Variants in TMCO5A observed in about 807,000 individuals in gnomAD.
The protein encoded by TMCO5A is transmembrane and coiled-coil domains 5A.
A neutral mutation model predicts 42.3 loss-of-function variants in TMCO5A; 34 were observed. That is an observed-to-expected ratio of 0.80 (90% confidence interval 0.61 to 1.07). The LOEUF is 1.07. Among genes scored for constraint, TMCO5A ranks in the 50% least tolerant of loss-of-function variants. The pLI, the probability that TMCO5A is intolerant of heterozygous loss-of-function variation, is 0.00. For synonymous variants in TMCO5A, 131 were observed against 115.6 expected (o/e 1.13, Z -0.86); for missense variants, 357 against 327.9 (o/e 1.09, Z -0.69).
intron 11 of TMCO5A, among the ~76,000 whole-genome samples, chr15:37,965,873 C>G (rs1473435045): frequency 6.6e-6 from 1 of 152,216 alleles, no homozygotes; most frequent in South Asian, 2.1e-4. Flanking sequence ...AAAAATAGAG[C>G]TACCATATGA....
the TMCO5A span, chr15:38,039,939 G>C: frequency 6.6e-6 from 1 of 152,180 alleles, no homozygotes; most frequent in Non-Finnish European, 1.5e-5. Flanking sequence ...GGTTCAACTA[G>C]GGAAAAATCC....
At chr15:37,944,175 G>C (rs1411177543) in intron 10 of TMCO5A, 1 of 152,042 alleles carries the variant, frequency 6.6e-6, no homozygotes, top group African/African-American at 2.4e-5. Flanking sequence ...ATTGTGTTTG[G>C]GTCATCCAAA....
chr15:37,967,672 T>C (rs1487365687), exon 12 of TMCO5A: 2 of 152,210 alleles, frequency 1.3e-5, no homozygotes, highest in African/African-American at 4.8e-5. Context: ...TGCAGTGAAG[T>C]ATATCTTTTC....
At chr15:37,944,240 A>G (rs1889854346) in intron 10 of TMCO5A, 1 of 152,118 alleles carries the variant, frequency 6.6e-6, no homozygotes, top group Non-Finnish European at 1.5e-5. Context: ...TGAACAAGTC[A>G]TTCTGGCCCC....
At chr15:38,026,237 G>T in the TMCO5A span, among the ~76,000 whole-genome samples, 1 of 152,148 alleles carries the variant, frequency 6.6e-6, no homozygotes, top group Non-Finnish European at 1.5e-5. Flanking sequence ...TTGTTGAATG[G>T]CTTTGACCAA....
the TMCO5A span, among the ~76,000 whole-genome samples, chr15:37,992,544 C>A: frequency 3.6e-4 from 55 of 152,034 alleles, no homozygotes; most frequent in Non-Finnish European, 6.8e-4. Context: ...GACACATGCA[C>A]GTATACATTC....
chr15:37,957,042 C>A (rs189914417), intron 11 of TMCO5A, among the ~76,000 whole-genome samples: 10 of 152,226 alleles, frequency 6.6e-5, no homozygotes, highest in Middle Eastern at 3.4e-3. Context: ...ATTCAACAGC[C>A]CTTCATGCTA....
chr15:37,981,571 A>G, the TMCO5A span, among the ~76,000 whole-genome samples: 1 of 152,166 alleles, frequency 6.6e-6, no homozygotes, highest in Non-Finnish European at 1.5e-5. Flanking sequence ...AGGTTCAGCT[A>G]CTCAGGAGAC....
the TMCO5A span, among the ~76,000 whole-genome samples, chr15:38,026,477 TG>T: frequency 6.6e-6 from 1 of 152,322 alleles, no homozygotes; most frequent in East Asian, 1.9e-4. Context: ...AGATGTGACT[TG>T]GGTGCTGTTA....
At chr15:37,945,626 T>C (rs1355458198) in intron 10 of TMCO5A, among the ~76,000 whole-genome samples, 2 of 152,192 alleles carry the variant, frequency 1.3e-5, no homozygotes, top group Non-Finnish European at 2.9e-5. Context: ...TAATGATCAG[T>C]AATGTTGAAC....
the TMCO5A span, among the ~76,000 whole-genome samples, chr15:38,028,423 C>T: frequency 2.6e-5 from 4 of 152,256 alleles, 1 homozygote; most frequent in South Asian, 4.2e-4. Flanking sequence ...TTAATTCAGC[C>T]GATCTCAAGG....
chr15:38,026,355 CAA>C, the TMCO5A span, among the ~76,000 whole-genome samples: 1 of 152,200 alleles, frequency 6.6e-6, no homozygotes. Flanking sequence ...CACGATTTAG[CAA>C]AGAGACTGGC....
At chr15:37,975,697 C>A in the TMCO5A span, among the ~76,000 whole-genome samples, 7 of 151,090 alleles carry the variant, frequency 4.6e-5, no homozygotes, top group Admixed American at 1.3e-4. Flanking sequence ...TTCAGCTTGA[C>A]ATTCTTTGCC....
intron 11 of TMCO5A, among the ~76,000 whole-genome samples, chr15:37,960,159 T>A (rs1392515121): frequency 6.6e-6 from 1 of 151,594 alleles, no homozygotes; most frequent in Non-Finnish European, 1.5e-5. Context: ...AATATTTTTT[T>A]CCCTACATTT....
At chr15:37,998,936 C>T in the TMCO5A span, among the ~76,000 whole-genome samples, 9 of 151,930 alleles carry the variant, frequency 5.9e-5, no homozygotes, top group South Asian at 1.7e-3. Context: ...GATGGAGTTT[C>T]GCTCTTGTTG....
downstream of TMCO5A, among the ~76,000 whole-genome samples, chr15:37,951,946 G>T (rs1469731693): frequency 6.6e-6 from 1 of 152,094 alleles, no homozygotes; most frequent in East Asian, 1.9e-4. Context: ...TCTGTGTGGT[G>T]AGGAGAGAAA....
At chr15:37,958,648 G>C (rs1470779862) in intron 11 of TMCO5A, among the ~76,000 whole-genome samples, 1 of 152,170 alleles carries the variant, frequency 6.6e-6, no homozygotes, top group Non-Finnish European at 1.5e-5. Context: ...TGGAGAAATA[G>C]GAACGCTTTT....
At chr15:37,986,366 G>C in the TMCO5A span, among the ~76,000 whole-genome samples, 1 of 147,914 alleles carries the variant, frequency 6.8e-6, no homozygotes, top group Non-Finnish European at 1.5e-5. Flanking sequence ...AAAGAGCCAA[G>C]GGGGGTAAGG....
At chr15:37,952,993 G>A (rs962669510), downstream of TMCO5A, among the ~76,000 whole-genome samples, 1 of 152,190 alleles carries the variant, frequency 6.6e-6, no homozygotes, top group African/African-American at 2.4e-5. Flanking sequence ...GGAAAGGGGA[G>A]GGAAGAATGG....
Sources: gnomAD v4.1 joint callset for allele counts (sites outside exome capture counted in the v4.1 genomes callset) on GRCh38, gnomAD v4.1.1 for gene constraint, MANE v1.5 for transcripts, NCBI Gene and HGNC (gene_info 2026-07-23, HGNC 2026-07-21) for gene names.